PTPN4: variants seen among roughly 807,000 people sequenced by gnomAD.
PTPN4 encodes protein tyrosine phosphatase non-receptor type 4, also known as tyrosine-protein phosphatase non-receptor type 4.
Under a neutral mutation model 135.5 loss-of-function variants are expected in PTPN4, and 49 were observed. That is an observed-to-expected ratio of 0.36 (90% CI 0.29 to 0.46). The LOEUF is 0.46. PTPN4 is among the 20% of genes least tolerant of loss of function. PTPN4 has a pLI of 1.00. For synonymous variants in PTPN4, 333 were observed against 369.9 expected (o/e 0.90, Z 1.14); for missense variants, 860 against 1,101.0 (o/e 0.78, Z 3.10).
chr2:119,919,620 C>A (rs1678707857), intron 11 of PTPN4, among the ~76,000 whole-genome samples: 1 of 152,032 alleles, frequency 6.6e-6, no homozygotes, highest in Non-Finnish European at 1.5e-5. Flanking sequence ...GTCAGGAGTT[C>A]AAGACCAGCC....
chr2:119,973,652 C>CTTTTTTTTTTTTTTTTT (rs1553481271), intron 26 of PTPN4, among the ~76,000 whole-genome samples: 3 of 18,088 alleles, frequency 1.7e-4, no homozygotes, highest in African/African-American at 7.4e-4. Context: ...TCCTTCATTT[C>CTTTTTTTTTTTTTTTTT]TTGTTTTTTT....
At chr2:119,843,697 C>T (rs1183416248) in intron 2 of PTPN4, among the ~76,000 whole-genome samples, 1 of 64,570 alleles carries the variant, frequency 1.5e-5, no homozygotes, top group Non-Finnish European at 3.1e-5. Flanking sequence ...TAGGGGCGGC[C>T]GGGCAGAGGC....
chr2:119,905,244 A>G (rs1678470333), intron 10 of PTPN4, among the ~76,000 whole-genome samples: 1 of 152,200 alleles, frequency 6.6e-6, no homozygotes, highest in East Asian at 1.9e-4. Context: ...GCTACCTACA[A>G]GAAACTCAAC....
chr2:119,931,080 G>T (rs555619383), intron 13 of PTPN4, among the ~76,000 whole-genome samples: 21 of 152,046 alleles, frequency 1.4e-4, no homozygotes, highest in Admixed American at 1.2e-3. Flanking sequence ...ATTTTTGTAG[G>T]AAGACAACAG....
At chr2:119,767,667 C>T (rs946788359) in intron 1 of PTPN4, among the ~76,000 whole-genome samples, 3 of 152,312 alleles carry the variant, frequency 2.0e-5, no homozygotes, top group African/African-American at 7.2e-5. Flanking sequence ...TTTTAATGAG[C>T]AGAGTCCTTT....
intron 10 of PTPN4, among the ~76,000 whole-genome samples, chr2:119,909,768 G>A (rs760248402): frequency 5.9e-5 from 9 of 152,104 alleles, no homozygotes; most frequent in Non-Finnish European, 1.2e-4. Flanking sequence ...AACGTTAACC[G>A]GAATTTTGAA....
chr2:119,973,666 T>TTG (rs1216810531), intron 26 of PTPN4, among the ~76,000 whole-genome samples: 8 of 137,688 alleles, frequency 5.8e-5, no homozygotes, highest in Non-Finnish European at 7.7e-5. Flanking sequence ...TTTTTTTTTT[T>TTG]TTTTTTTTTT....
intron 1 of PTPN4, among the ~76,000 whole-genome samples, chr2:119,774,673 A>T (rs1390619218): frequency 6.6e-6 from 1 of 152,226 alleles, no homozygotes; most frequent in Admixed American, 6.5e-5. Flanking sequence ...AAAAAATGTC[A>T]GGATAACAGC....
At chr2:119,885,357 CT>C (rs1452100481) in intron 8 of PTPN4, among the ~76,000 whole-genome samples, 2 of 152,166 alleles carry the variant, frequency 1.3e-5, no homozygotes, top group African/African-American at 4.8e-5. Flanking sequence ...AGGTTCCATA[CT>C]GTGAATCAAC....
At chr2:119,823,725 C>T (rs1221092475) in intron 2 of PTPN4, among the ~76,000 whole-genome samples, 1 of 152,176 alleles carries the variant, frequency 6.6e-6, no homozygotes, top group East Asian at 1.9e-4. Context: ...ATATTTCTTA[C>T]TGAGAGAGAG....
At chr2:119,866,176 CT>C (rs1261599533) in intron 3 of PTPN4, among the ~76,000 whole-genome samples, 1 of 151,992 alleles carries the variant, frequency 6.6e-6, no homozygotes, top group African/African-American at 2.4e-5. Context: ...TCAAAGGTGG[CT>C]TTTTCTTAGT....
chr2:119,959,333 A>G (rs934329610), intron 22 of PTPN4, among the ~76,000 whole-genome samples: 3 of 152,196 alleles, frequency 2.0e-5, no homozygotes, highest in Non-Finnish European at 4.4e-5. Context: ...GTTTACAAAA[A>G]GAAAAGTGCA....
chr2:119,935,138 G>C (rs4849810), intron 15 of PTPN4, 180 bp downstream of exon 15: 638,972 of 652,400 alleles, frequency 0.98, 312,971 homozygotes, highest in East Asian at 1. Context: ...CTCCCTCCCC[G>C]ACCCAGTCAC....
chr2:119,964,980 T>C (rs950337737), intron 24 of PTPN4, among the ~76,000 whole-genome samples: 18 of 152,120 alleles, frequency 1.2e-4, no homozygotes, highest in African/African-American at 4.1e-4. Flanking sequence ...AGCAAGGAGA[T>C]GGGAGGAGAC....
chr2:119,835,374 G>A (rs1276970483), intron 2 of PTPN4, among the ~76,000 whole-genome samples: 1 of 152,074 alleles, frequency 6.6e-6, no homozygotes, highest in East Asian at 1.9e-4. Context: ...TACTAGAGAT[G>A]GGGTTTTACC....
At chr2:119,946,697 G>A (rs1198166983) in intron 18 of PTPN4, 123 bp downstream of exon 18, 3 of 797,848 alleles carry the variant, frequency 3.8e-6, no homozygotes, top group South Asian at 3.9e-5. Context: ...AGTGTCAAAT[G>A]TTGGCTGAAT....
chr2:119,954,258 C>T (rs1388316750), intron 19 of PTPN4, among the ~76,000 whole-genome samples: 1 of 152,172 alleles, frequency 6.6e-6, no homozygotes, highest in Non-Finnish European at 1.5e-5. Context: ...CCTACCTTGG[C>T]TCCATGTTTT....
intron 13 of PTPN4, among the ~76,000 whole-genome samples, chr2:119,927,113 CTTT>C (rs35553909): frequency 8.1e-6 from 1 of 122,840 alleles, no homozygotes; most frequent in Non-Finnish European, 1.7e-5. Flanking sequence ...AGCCAATTTG[CTTT>C]TTTTTTTTTT....
At chr2:119,847,971 G>T (rs1468533369) in intron 2 of PTPN4, among the ~76,000 whole-genome samples, 1 of 152,004 alleles carries the variant, frequency 6.6e-6, no homozygotes, top group Non-Finnish European at 1.5e-5. Context: ...CCTCGTACAT[G>T]AGGAGTTGTC....
Sources: gnomAD v4.1 joint callset for allele counts (sites outside exome capture counted in the v4.1 genomes callset) on GRCh38, gnomAD v4.1.1 for gene constraint, MANE v1.5 for transcripts, NCBI Gene and HGNC (gene_info 2026-07-23, HGNC 2026-07-21) for gene names.